Variants in ZBBX observed in about 807,000 individuals in gnomAD.
ZBBX encodes zinc finger B-box domain containing, also known as zinc finger B-box domain-containing protein 1.
ZBBX carries 101 observed loss-of-function variants against 108.5 expected under a neutral mutation model. The ratio of observed to expected loss-of-function variants is 0.93; its 90% CI spans 0.79 to 1.10. The LOEUF (loss-of-function observed/expected upper bound fraction) is 1.10, where lower values mean the gene tolerates loss of function less well. Ranked by LOEUF, ZBBX falls within the 50% of genes least tolerant of loss-of-function variation. The probability of loss-of-function intolerance (pLI) is 0.00; values close to 1 mark genes in which losing one functional copy is unlikely to be tolerated. For synonymous variants in ZBBX, 356 were observed against 323.4 expected, an observed-to-expected ratio of 1.10 and a Z score of -1.08; for missense variants, 1,009 against 941.4, an observed-to-expected ratio of 1.07 and a Z score of -0.94.
chr3:167,352,643 C>T (rs992942568), intron 8 of ZBBX, among the ~76,000 whole-genome samples: 2 of 151,602 alleles, frequency 1.3e-5, no homozygotes, highest in African/African-American at 4.8e-5. Flanking sequence ...CCAGGGTAAC[C>T]CTGCTACCAA....
the ZBBX span, among the ~76,000 whole-genome samples, chr3:167,192,516 T>TCC: frequency 6.6e-6 from 1 of 152,202 alleles, no homozygotes; most frequent in Non-Finnish European, 1.5e-5. Context: ...CTTTATATGT[T>TCC]ATTTGCTTGT....
chr3:167,203,364 A>T, the ZBBX span, among the ~76,000 whole-genome samples: 1 of 152,120 alleles, frequency 6.6e-6, no homozygotes, highest in East Asian at 1.9e-4. Flanking sequence ...CTTATCCTTA[A>T]ATATGCTTAC....
chr3:167,237,158 A>G (rs1304574589), downstream of ZBBX, among the ~76,000 whole-genome samples: 1 of 151,824 alleles, frequency 6.6e-6, no homozygotes, highest in African/African-American at 2.4e-5. Context: ...CACCTCACAT[A>G]TAATGCCCAG....
chr3:167,183,902 C>G, the ZBBX span, among the ~76,000 whole-genome samples: 7 of 151,718 alleles, frequency 4.6e-5, no homozygotes, highest in Admixed American at 3.3e-4. Flanking sequence ...GGCCTGTTCC[C>G]AACAAAAAAG....
At chr3:167,402,784 GT>G (rs111865781) in intron 1 of ZBBX, among the ~76,000 whole-genome samples, 14,428 of 123,932 alleles carry the variant, frequency 0.12, 2,157 homozygotes, top group African/African-American at 0.37. Context: ...ACTACAATAT[GT>G]AAAAAAAAAA....
chr3:167,314,145 T>C (rs1735049196), intron 15 of ZBBX, 29 bp from the exon 16 acceptor site: 6 of 1,531,074 alleles, frequency 3.9e-6, no homozygotes, highest in South Asian at 2.6e-5. Context: ...AACAAAATAA[T>C]AGAGTTGAAA....
chr3:167,268,527 G>A (rs964068709), intron 20 of ZBBX, among the ~76,000 whole-genome samples: 1 of 151,900 alleles, frequency 6.6e-6, no homozygotes, highest in Non-Finnish European at 1.5e-5. Context: ...TCAGTACCCT[G>A]AACCCACAAC....
At chr3:167,197,707 T>A in the ZBBX span, among the ~76,000 whole-genome samples, 1 of 152,086 alleles carries the variant, frequency 6.6e-6, no homozygotes, top group Admixed American at 6.6e-5. Context: ...TCAGAATGAG[T>A]CATATTCCGA....
the ZBBX span, among the ~76,000 whole-genome samples, chr3:167,228,741 T>C: frequency 6.6e-6 from 1 of 151,802 alleles, no homozygotes; most frequent in East Asian, 1.9e-4. Flanking sequence ...AGATAATCCT[T>C]CCTATCTTCC....
chr3:167,284,792 G>A (rs1172656018), intron 19 of ZBBX, among the ~76,000 whole-genome samples: 1 of 152,026 alleles, frequency 6.6e-6, no homozygotes, highest in African/African-American at 2.4e-5. Flanking sequence ...ACAGACAGAA[G>A]AGGCCCCAGT....
chr3:167,309,107 G>T (rs1407710197), intron 16 of ZBBX, among the ~76,000 whole-genome samples: 1 of 152,170 alleles, frequency 6.6e-6, no homozygotes, highest in Non-Finnish European at 1.5e-5. Flanking sequence ...TAATTTGCAT[G>T]TAATTAAAAG....
At chr3:167,326,580 A>G (rs1737414065) in intron 11 of ZBBX, among the ~76,000 whole-genome samples, 1 of 152,116 alleles carries the variant, frequency 6.6e-6, no homozygotes, top group African/African-American at 2.4e-5. Context: ...GACAAAGAAG[A>G]ATTTCTATAG....
At chr3:167,320,890 C>T (rs1360746409) in intron 12 of ZBBX, among the ~76,000 whole-genome samples, 1 of 151,756 alleles carries the variant, frequency 6.6e-6, no homozygotes, top group Non-Finnish European at 1.5e-5. Context: ...GTGTTAAGGT[C>T]ATGAAAGGCA....
chr3:167,301,738 G>A (rs1732709700), intron 17 of ZBBX, among the ~76,000 whole-genome samples: 1 of 152,000 alleles, frequency 6.6e-6, no homozygotes, highest in African/African-American at 2.4e-5. Flanking sequence ...CGGTTGGATC[G>A]CGAGGTCAGG....
chr3:167,395,776 CA>C (rs1476181379), intron 1 of ZBBX, among the ~76,000 whole-genome samples: 3 of 151,822 alleles, frequency 2.0e-5, no homozygotes, highest in Non-Finnish European at 2.9e-5. Context: ...TTTGTCTATG[CA>C]TATCATAAAT....
At position 167,338,060 on chromosome 3, in the gene ZBBX, C is replaced by T. The variant is rs890000505; in HGVS notation, c.529-4075G>A. 2.6e-5 allele frequency among the ~76,000 whole-genome samples: 4 copies of T among 152,050 alleles called. No individual in the cohort carries two copies. In the East Asian group the frequency reaches 7.7e-4, roughly 29 times the overall value. On this transcript the variant is annotated intron_variant, in intron 9 of 21. Coordinates refer to ENST00000675490, the MANE Select transcript of ZBBX (RefSeq NM_001199201.2). ...AAAATGTTTTAAAATCAAACCAAAA[C>T]AGCCTTCAAGGCACATAGTAAATCA...
the ZBBX span, among the ~76,000 whole-genome samples, chr3:167,203,207 C>T: frequency 2.6e-5 from 4 of 152,168 alleles, no homozygotes; most frequent in African/African-American, 7.2e-5. Flanking sequence ...TTGCATGTGG[C>T]CACCTTCTCA....
At chr3:167,205,960 C>G in the ZBBX span, among the ~76,000 whole-genome samples, 1 of 152,014 alleles carries the variant, frequency 6.6e-6, no homozygotes. Context: ...GAATACTTAA[C>G]GATCAATCAT....
upstream of ZBBX, among the ~76,000 whole-genome samples, chr3:167,385,126 T>TGTGATTAG (rs1455206791): frequency 2.6e-5 from 4 of 152,148 alleles, no homozygotes; most frequent in African/African-American, 9.6e-5. Flanking sequence ...CTAAGAAATA[T>TGTGATTAG]GTGATTAGGT....
Sources: gnomAD v4.1 joint callset for allele counts (sites outside exome capture counted in the v4.1 genomes callset) on GRCh38, gnomAD v4.1.1 for gene constraint, MANE v1.5 for transcripts, NCBI Gene and HGNC (gene_info 2026-07-23, HGNC 2026-07-21) for gene names.